Variants in PRKN observed in about 807,000 individuals in gnomAD.
PRKN encodes the protein parkin RBR E3 ubiquitin protein ligase, also known as E3 ubiquitin-protein ligase parkin.
A neutral mutation model predicts 59.5 loss-of-function variants in PRKN; 56 were observed. The observed-to-expected ratio is 0.94, with a 90% CI of 0.76 to 1.18. PRKN has a LOEUF of 1.18. PRKN is among the 50% of genes most tolerant of loss of function. PRKN has a pLI of 0.00. For synonymous variants in PRKN, 250 were observed against 222.1 expected, an observed-to-expected ratio of 1.13 and a Z score of -1.12; for missense variants, 657 against 596.4, an observed-to-expected ratio of 1.10 and a Z score of -1.06.
chr6:162,356,760 A>G (rs907168026), intron 2 of PRKN, among the ~76,000 whole-genome samples: 2 of 149,390 alleles, frequency 1.3e-5, no homozygotes, highest in Middle Eastern at 6.9e-3. Flanking sequence ...AAAAAAAAAA[A>G]AAAAAAAAAA....
At chr6:162,530,368 C>T (rs1431870914) in intron 1 of PRKN, among the ~76,000 whole-genome samples, 1 of 151,962 alleles carries the variant, frequency 6.6e-6, no homozygotes, top group African/African-American at 2.4e-5. Flanking sequence ...AGAACTGCCG[C>T]TTAATGGCTC....
In PRKN at chr6:161,439,426, A is replaced by C. The variant is rs989703296; in HGVS notation, c.1084-52549T>G. Among the ~76,000 whole-genome samples, 5 of 152,242 alleles carry C rather than the reference A, an allele frequency of 3.3e-5. No homozygotes were observed. In the East Asian group the frequency reaches 5.8e-4, roughly 18 times the overall value. On this transcript the variant is annotated intron_variant, in intron 9 of 11. Transcript: ENST00000366898. ...AGTGTCAGCTGTGGGAGATGTAGAA[A>C]TGCAAATAAGTACGAATGCAAATAG...
intron 4 of PRKN, among the ~76,000 whole-genome samples, chr6:162,140,796 T>C (rs1220941419): frequency 3.9e-5 from 6 of 152,166 alleles, no homozygotes; most frequent in Non-Finnish European, 7.3e-5. Flanking sequence ...GCCTACATTA[T>C]ATTAATTTTT....
Position 162,253,518 on chromosome 6 carries a change from A to G in PRKN, c.412+9007T>C, listed in dbSNP as rs569948438. Among the ~76,000 whole-genome samples the G allele has an allele frequency of 2.0e-5, 3 of 152,350 alleles. No individual in the cohort carries two copies. The South Asian group carries it at 6.2e-4, about 32-fold the overall frequency. ...AAAATAAATAACTGTTACAGCAACT[A>G]TGCTAACCGTATTAATTAAAATATG... On this transcript the variant is annotated intron_variant, in intron 3 of 11. Coordinates refer to ENST00000366898, the MANE Select transcript of PRKN (RefSeq NM_004562.3).
At chr6:162,440,188 G>A (rs763619321) in intron 2 of PRKN, among the ~76,000 whole-genome samples, 2 of 152,080 alleles carry the variant, frequency 1.3e-5, no homozygotes, top group African/African-American at 4.8e-5. Flanking sequence ...ACAGATGAGT[G>A]TGTAATGAAA....
At chr6:162,395,465 T>C (rs1787428919) in intron 2 of PRKN, among the ~76,000 whole-genome samples, 1 of 152,184 alleles carries the variant, frequency 6.6e-6, no homozygotes, top group Non-Finnish European at 1.5e-5. Flanking sequence ...GTGAATCTTC[T>C]ATCATCAGTT....
rs137877626 is a variant in PRKN at position 161,625,627 on chromosome 6, C to T, written c.872-56211G>A. On this transcript the variant is annotated intron_variant, in intron 7 of 11. Coordinates refer to ENST00000366898, the MANE Select transcript of PRKN (RefSeq NM_004562.3). ...ATTATTTCTTCTGCATATAACCCAT[C>T]GTTGAGGGGTAAGCGCAGAGGAGCA... Among the ~76,000 whole-genome samples, 500 of 152,232 alleles carry T rather than the reference C, an allele frequency of 3.3e-3. 3 individuals are homozygous for T. The highest frequency in any genetic ancestry group is 0.012 in the African/African-American group (484 of 41,532).
intron 1 of PRKN, among the ~76,000 whole-genome samples, chr6:162,469,506 G>A (rs1331276033): frequency 2.2e-5 from 3 of 134,918 alleles, no homozygotes; most frequent in African/African-American, 9.5e-5. Flanking sequence ...GTGTGTGTGT[G>A]TATACACACA....
intron 2 of PRKN, among the ~76,000 whole-genome samples, chr6:162,285,033 T>C (rs970271707): frequency 4.6e-5 from 7 of 152,188 alleles, no homozygotes; most frequent in African/African-American, 1.7e-4. Context: ...AAACAGACCA[T>C]GTGAAGGTAC....
At chr6:161,837,756 A>G (rs1280448339) in intron 6 of PRKN, among the ~76,000 whole-genome samples, 5 of 152,334 alleles carry the variant, frequency 3.3e-5, no homozygotes, top group Non-Finnish European at 7.4e-5. Context: ...CAATCTGTCC[A>G]CTTGGGAAAT....
intron 6 of PRKN, among the ~76,000 whole-genome samples, chr6:161,794,977 C>T (rs961833249): frequency 6.6e-6 from 1 of 151,960 alleles, no homozygotes; most frequent in African/African-American, 2.4e-5. Context: ...CTCCGCCTCC[C>T]GGGTTCACGC....
Position 161,401,474 on chromosome 6 carries a change from G to A in PRKN, c.1084-14597C>T, listed in dbSNP as rs953596089. Among the ~76,000 whole-genome samples, 2 of 152,012 alleles carry A rather than the reference G, an allele frequency of 1.3e-5. No homozygotes were observed. Among genetic ancestry groups the A allele is most frequent in the Admixed American group, 1.3e-4 (2 of 15,260 alleles). The stretch of plus-strand genomic sequence containing the variant: ...AAAAATACAAAAACGTTAGCTGGGC[G>A]TGGTGGTGGACGCCTGTAATCCCAG... On this transcript the variant is annotated intron_variant, in intron 9 of 11. Coordinates refer to ENST00000366898, the MANE Select transcript of PRKN (RefSeq NM_004562.3). The surrounding 1 kb of genome is among the most constrained non-coding windows in gnomAD (Gnocchi z 4.4).
At chr6:161,671,550 G>A (rs1448887843) in intron 7 of PRKN, among the ~76,000 whole-genome samples, 1 of 152,178 alleles carries the variant, frequency 6.6e-6, no homozygotes, top group Non-Finnish European at 1.5e-5. Flanking sequence ...TCCACAGTAT[G>A]ACTGACGGGC....
rs1178445275 is a variant in PRKN at position 161,503,398 on chromosome 6, C to A, written c.1083+45456G>T. 6.6e-6 allele frequency among the ~76,000 whole-genome samples: 1 copy of A among 152,176 alleles called. No individual in the cohort carries two copies. Among genetic ancestry groups the A allele is most frequent in the Non-Finnish European group, 1.5e-5 (1 of 68,040 alleles). On this transcript the variant is annotated intron_variant, in intron 9 of 11. Coordinates refer to ENST00000366898, the MANE Select transcript of PRKN (RefSeq NM_004562.3). The surrounding 1 kb of genome is among the most constrained non-coding windows in gnomAD (Gnocchi z 5.1). ...TGCTCTTTCTGTGGGTTATTCAGGT[C>A]ATTCTCACCACAAATATATGGGATA...
At chr6:162,358,681 A>G (rs1463022736) in intron 2 of PRKN, among the ~76,000 whole-genome samples, 2 of 152,156 alleles carry the variant, frequency 1.3e-5, no homozygotes, top group Non-Finnish European at 2.9e-5. Flanking sequence ...CTCTAAATCT[A>G]GAGTGCAGCA....
At chr6:162,033,241 C>A (rs1446082639) in intron 5 of PRKN, among the ~76,000 whole-genome samples, 1 of 152,172 alleles carries the variant, frequency 6.6e-6, no homozygotes, top group Non-Finnish European at 1.5e-5. Context: ...CCTTCTGAAA[C>A]ATCTCTTTTT....
intron 6 of PRKN, among the ~76,000 whole-genome samples, chr6:161,937,652 G>C (rs1458499295): frequency 6.6e-6 from 1 of 152,160 alleles, no homozygotes; most frequent in Non-Finnish European, 1.5e-5. Context: ...ACTATGTTAC[G>C]ATTTCTAGAA....
chr6:162,082,125 G>C (rs1310299410), intron 4 of PRKN, among the ~76,000 whole-genome samples: 1 of 152,060 alleles, frequency 6.6e-6, no homozygotes, highest in East Asian at 1.9e-4. Context: ...CAAGTGTTGT[G>C]GGAGGAACCT....
chr6:161,839,541 GGT>G (rs1792899159), intron 6 of PRKN, among the ~76,000 whole-genome samples: 1 of 152,048 alleles, frequency 6.6e-6, no homozygotes, highest in South Asian at 2.1e-4. Flanking sequence ...GGTAGCCGGG[GGT>G]CCCACTGACT....
Sources: gnomAD v4.1 joint callset for allele counts (sites outside exome capture counted in the v4.1 genomes callset) on GRCh38, gnomAD v4.1.1 for gene constraint, Gnocchi (gnomAD v3.1) non-coding constraint, MANE v1.5 for transcripts, NCBI Gene and HGNC (gene_info 2026-07-23, HGNC 2026-07-21) for gene names.